Variants in CDCA2 observed in about 807,000 individuals in gnomAD.
The protein encoded by CDCA2 is cell division cycle associated 2.
A neutral mutation model predicts 67.0 loss-of-function variants in CDCA2; 44 were observed. The ratio of observed to expected loss-of-function variants is 0.66; its 90% CI spans 0.52 to 0.84. The LOEUF (loss-of-function observed/expected upper bound fraction) is 0.84. CDCA2 is among the 40% of genes least tolerant of loss of function. The probability of loss-of-function intolerance (pLI) is 0.00; values close to 1 mark genes in which losing one functional copy is unlikely to be tolerated. For missense variants in CDCA2, 1,253 were observed against 1,203.2 expected, an observed-to-expected ratio of 1.04 and a Z score of -0.61; for synonymous variants, 447 against 418.7, an observed-to-expected ratio of 1.07 and a Z score of -0.82.
rs1421030698 is a variant in CDCA2 at position 25,506,655 on chromosome 8, A to G, written c.1989A>G (p.Ile663Met). The G allele has an allele frequency of 6.2e-7, 1 of 1,613,546 alleles. No individual in the cohort carries two copies. The highest frequency in any genetic ancestry group is 1.1e-5 in the South Asian group (1 of 90,812). Residue 663 changes from isoleucine to methionine, a missense_variant, in exon 15 of 15, where the codon ATA becomes ATG. By Grantham distance (10) the Ile-to-Met change is conservative (BLOSUM62 1). Coordinates refer to ENST00000330560, the MANE Select transcript of CDCA2 (RefSeq NM_152562.4). ...KYDVSEFCSY[I>M]KSSSSLGNAT... Reference sequence around the variant, plus strand: ...ATGTCTCTGAATTCTGCTCTTATATAAAAAGTTCCTCATCGCTTGGCAATG... The same window carrying G: ...ATGTCTCTGAATTCTGCTCTTATATGAAAAGTTCCTCATCGCTTGGCAATG...
chr8:25,469,506 T>C (rs531423231), intron 6 of CDCA2, among the ~76,000 whole-genome samples: 1 of 152,344 alleles, frequency 6.6e-6, no homozygotes, highest in African/African-American at 2.4e-5. Context: ...GTTATTGATA[T>C]CGTTTGGCGT....
At chr8:25,488,448 TA>T in intron 12 of CDCA2, 103 bp from the exon 13 acceptor site, 1 of 1,060,822 alleles carries the variant, frequency 9.4e-7, no homozygotes, top group Non-Finnish European at 1.3e-6. Flanking sequence ...AAATGGGATC[TA>T]AAGTGGTAGA....
chr8:25,466,043 C>G (rs1000849929), intron 4 of CDCA2, 132 bp from the exon 5 acceptor site: 2 of 703,990 alleles, frequency 2.8e-6, no homozygotes, highest in Non-Finnish European at 4.4e-6. Context: ...CTCTGCCACA[C>G]TAACTCCTTA....
chr8:25,460,156 A>C, intron 1 of CDCA2, 84 bp from the exon 2 acceptor site: 1 of 1,333,592 alleles, frequency 7.5e-7, no homozygotes. Flanking sequence ...CTGTATTACA[A>C]TTCAGTCCTG....
chr8:25,489,540 T>G (rs1803920064), intron 13 of CDCA2, among the ~76,000 whole-genome samples: 1 of 152,180 alleles, frequency 6.6e-6, no homozygotes, highest in African/African-American at 2.4e-5. Flanking sequence ...ACATAGCCCC[T>G]AGAGACACTC....
intron 7 of CDCA2, among the ~76,000 whole-genome samples, chr8:25,471,756 T>C (rs1803162958): frequency 6.6e-6 from 1 of 152,220 alleles, no homozygotes; most frequent in Admixed American, 6.5e-5. Flanking sequence ...AGTGTAGCGA[T>C]TCACAGTTGT....
Position 25,460,253 on chromosome 8 carries a change from C to T in CDCA2, c.14C>T (p.Ser5Leu), listed in dbSNP as rs1021919277. The change falls in exon 2 of 15, where the codon TCA (serine) becomes TTA (leucine). Residue 5 changes from serine (S) to leucine (L), a missense_variant. Physicochemically the swap from Ser to Leu is moderately radical, Grantham distance 145 (BLOSUM62 -2). Transcript: ENST00000330560. Reference protein sequence around the residue: MDANSKDKPPETKES... With the variant: MDANLKDKPPETKES... ...TTCACCTCTTAGATGGATGCCAATT[C>T]AAAAGACAAGCCCCCTGAAACCAAG... 3.7e-6 allele frequency: 6 copies of T among 1,614,132 alleles called. No homozygotes were observed. The highest frequency in any genetic ancestry group is 5.1e-6 in the Non-Finnish European group (6 of 1,180,000).
At chr8:25,467,010 C>A (rs974531264) in intron 5 of CDCA2, among the ~76,000 whole-genome samples, 2 of 123,794 alleles carry the variant, frequency 1.6e-5, no homozygotes, top group African/African-American at 6.1e-5. Context: ...CTATTGCACT[C>A]CAGCCTGGGC....
rs777507215 is a variant in CDCA2 at position 25,466,273 on chromosome 8, C to T, written c.486C>T (p.Thr162=). 7 of 1,610,084 alleles carry T rather than the reference C, an allele frequency of 4.3e-6. No individual in the cohort carries two copies. Among genetic ancestry groups the T allele is most frequent in the South Asian group, 2.2e-5 (2 of 90,136 alleles). ...FHSIKENEKM[T]GCLEFSEAGK... ...CCATAAAGGAAAACGAGAAAATGAC[C>T]GGCTGTCTGGAATTCTCAGAGGCAG... The change falls in exon 5 of 15, where the codon ACC becomes ACT. Residue 162 remains threonine (T), a synonymous_variant. Transcript: ENST00000330560.
At chr8:25,503,568 T>C (rs748980141) in intron 14 of CDCA2, 24 bp downstream of exon 14, 1 of 1,572,296 alleles carries the variant, frequency 6.4e-7, no homozygotes, top group Non-Finnish European at 8.6e-7. Flanking sequence ...TTCCTGGTAG[T>C]TATATTTTAT....
intron 7 of CDCA2, among the ~76,000 whole-genome samples, chr8:25,470,479 A>AT (rs1803108446): frequency 6.6e-6 from 1 of 152,156 alleles, no homozygotes; most frequent in Non-Finnish European, 1.5e-5. Context: ...TGTAATTGGA[A>AT]TATTTCGCCT....
chr8:25,485,180 TATAATAATA>T (rs59602718), intron 10 of CDCA2, among the ~76,000 whole-genome samples: 6 of 113,906 alleles, frequency 5.3e-5, no homozygotes, highest in African/African-American at 1.1e-4. Context: ...AAACTTAAAG[TATAATAATA>T]ATAATAATAA....
At chr8:25,486,956 T>C (rs1803802517) in intron 11 of CDCA2, among the ~76,000 whole-genome samples, 1 of 152,216 alleles carries the variant, frequency 6.6e-6, no homozygotes, top group South Asian at 2.1e-4. Flanking sequence ...TGGGTGTTCA[T>C]GAAAATACAT....
chr8:25,467,460 A>G (rs1428946994), intron 5 of CDCA2, among the ~76,000 whole-genome samples: 1 of 152,092 alleles, frequency 6.6e-6, no homozygotes, highest in Non-Finnish European at 1.5e-5. Context: ...TTTAAAATTT[A>G]TTTACATCAT....
At position 25,506,539 on chromosome 8, in the gene CDCA2, G is replaced by C; in HGVS notation, c.1873G>C (p.Glu625Gln). 6.3e-7 allele frequency: 1 copy of C among 1,580,670 alleles called. No individual in the cohort carries two copies. The highest frequency in any genetic ancestry group is 8.5e-7 in the Non-Finnish European group (1 of 1,170,008). ...GYFSSNGKLE[E>Q]VKTPKNPVKR... ...TTTCAGTTCAAATGGCAAACTGGAA[G>C]AAGTGAAGACTCCTAAAAATCCAGT... The change falls in exon 15 of 15, where the codon GAA becomes CAA. Residue 625 changes from glutamate (E) to glutamine (Q), a missense_variant. Glu to Gln is a conservative substitution (Grantham distance 29, BLOSUM62 2). Transcript: ENST00000330560.
chr8:25,468,560 T>TGTGTGC, intron 6 of CDCA2, 147 bp downstream of exon 6: 9 of 430,994 alleles, frequency 2.1e-5, no homozygotes, highest in African/African-American at 8.5e-5. Context: ...TGTGTGTGCG[T>TGTGTGC]GTGTGTGTGT....
At chr8:25,482,183 A>G (rs1047274980) in intron 8 of CDCA2, among the ~76,000 whole-genome samples, 1 of 152,208 alleles carries the variant, frequency 6.6e-6, no homozygotes, top group African/African-American at 2.4e-5. Context: ...CCTACACTGT[A>G]TTCTTTATTT....
intron 13 of CDCA2, among the ~76,000 whole-genome samples, chr8:25,489,367 C>T (rs1803912173): frequency 6.6e-6 from 1 of 152,182 alleles, no homozygotes; most frequent in African/African-American, 2.4e-5. Flanking sequence ...TTCTGTACTG[C>T]TAAGCTTTCA....
chr8:25,469,784 CTGAT>C (rs1803076959), intron 6 of CDCA2, 108 bp from the exon 7 acceptor site: 1 of 151,380 alleles, frequency 6.6e-6, no homozygotes, highest in Non-Finnish European at 1.3e-5. Context: ...ATGAAGGTGA[CTGAT>C]TGAACATCAG....
Sources: gnomAD v4.1 joint callset for allele counts (sites outside exome capture counted in the v4.1 genomes callset) on GRCh38, gnomAD v4.1.1 for gene constraint, MANE v1.5 for transcripts, NCBI Gene and HGNC (gene_info 2026-07-23, HGNC 2026-07-21) for gene names.